The following PDE7B variants were observed in gnomAD, a reference collection of about 807,000 sequenced individuals.
PDE7B encodes the protein 3',5'-cyclic-AMP phosphodiesterase 7B.
In PDE7B, 29 loss-of-function variants were observed where a neutral mutation model predicts 56.2. The ratio of observed to expected loss-of-function variants is 0.52; its 90% CI spans 0.38 to 0.70. PDE7B has a LOEUF of 0.70. Ranked by LOEUF, PDE7B falls within the 30% of genes least tolerant of loss-of-function variation. The pLI is 0.00. For missense variants in PDE7B, 490 were observed against 565.0 expected, an observed-to-expected ratio of 0.87 and a Z score of 1.35; for synonymous variants, 197 against 196.9, an observed-to-expected ratio of 1.00 and a Z score of 0.00.
chr6:135,893,288 G>A (rs918863390), intron 1 of PDE7B, among the ~76,000 whole-genome samples: 8 of 138,078 alleles, frequency 5.8e-5, no homozygotes, highest in East Asian at 2.1e-4. Flanking sequence ...CTCATTGTTC[G>A]ATTCCCACCT....
chr6:135,995,858 A>G (rs1012890430), intron 2 of PDE7B, among the ~76,000 whole-genome samples: 3 of 152,160 alleles, frequency 2.0e-5, no homozygotes, highest in Admixed American at 6.5e-5. Context: ...GAGAATTAAC[A>G]TAAACATAAA....
At chr6:136,128,235 T>A (rs1001290246) in intron 3 of PDE7B, among the ~76,000 whole-genome samples, 9 of 152,124 alleles carry the variant, frequency 5.9e-5, no homozygotes, top group Admixed American at 1.3e-4. Context: ...TTTACCAGAG[T>A]GATGCTTTGA....
At chr6:136,054,311 A>G (rs1394376528) in intron 2 of PDE7B, among the ~76,000 whole-genome samples, 2 of 152,176 alleles carry the variant, frequency 1.3e-5, no homozygotes, top group Admixed American at 1.3e-4. Flanking sequence ...TTAAATAGGG[A>G]ATCGTTTCCC....
chr6:135,982,154 G>A (rs967381177), intron 2 of PDE7B, among the ~76,000 whole-genome samples: 5 of 152,060 alleles, frequency 3.3e-5, no homozygotes, highest in African/African-American at 1.2e-4. Context: ...ACCCATGTTT[G>A]TTAAGAACTC....
chr6:136,113,485 G>A (rs1777782466), intron 3 of PDE7B, among the ~76,000 whole-genome samples: 1 of 152,282 alleles, frequency 6.6e-6, no homozygotes, highest in East Asian at 1.9e-4. Context: ...TAAATAGCAG[G>A]AAACTGTGGC....
chr6:135,935,217 T>TATATATATATA (rs1554268029), intron 1 of PDE7B, among the ~76,000 whole-genome samples: 11 of 91,172 alleles, frequency 1.2e-4, no homozygotes, highest in African/African-American at 2.9e-4. Context: ...TATATATATA[T>TATATATATATA]TTTCATGATT....
intron 1 of PDE7B, among the ~76,000 whole-genome samples, chr6:135,881,063 C>A (rs1775600048): frequency 1.3e-5 from 2 of 152,046 alleles, no homozygotes; most frequent in South Asian, 4.2e-4. Flanking sequence ...ATACAGAGAC[C>A]CCATGGGGAG....
intron 5 of PDE7B, among the ~76,000 whole-genome samples, chr6:136,150,625 C>T (rs1320193483): frequency 6.6e-6 from 1 of 152,148 alleles, no homozygotes; most frequent in Non-Finnish European, 1.5e-5. Context: ...TTCTTGAATG[C>T]TTACAAGTCA....
chr6:135,928,784 A>G (rs117586339), intron 1 of PDE7B, among the ~76,000 whole-genome samples: 2,970 of 151,912 alleles, frequency 0.02, 31 homozygotes, highest in Middle Eastern at 0.041. Flanking sequence ...GATGGGAACA[A>G]TAATAAACAG....
chr6:136,171,923 T>C (rs1039004701), intron 8 of PDE7B, among the ~76,000 whole-genome samples: 1 of 151,826 alleles, frequency 6.6e-6, no homozygotes, highest in African/African-American at 2.4e-5. Flanking sequence ...TTACTGAGAA[T>C]GATGATTTCC....
At chr6:136,155,912 CA>C (rs1230413311) in intron 8 of PDE7B, 154 bp downstream of exon 8, 1 of 851,344 alleles carries the variant, frequency 1.2e-6, no homozygotes, top group South Asian at 1.4e-5. Context: ...AAAATTTGTT[CA>C]AACTCAGATG....
Position 136,065,740 on chromosome 6 carries a change from C to T in PDE7B, c.83-42991C>T, listed in dbSNP as rs186544005. On this transcript the variant is annotated intron_variant, in intron 2 of 12. Coordinates refer to ENST00000308191, the MANE Select transcript of PDE7B (RefSeq NM_018945.4). ...ATTCTATTACATGGTGATCATGTAACGTTTTCATCTAAATAGTTTAGTTTA... is the reference window on the plus strand; with the variant it reads ...ATTCTATTACATGGTGATCATGTAATGTTTTCATCTAAATAGTTTAGTTTA... 8.3e-4 allele frequency among the ~76,000 whole-genome samples: 127 copies of T among 152,170 alleles called. No homozygotes were observed. In the South Asian group the frequency reaches 0.01, roughly 12 times the overall value.
intron 1 of PDE7B, among the ~76,000 whole-genome samples, chr6:135,929,128 A>G (rs1327947278): frequency 6.6e-6 from 1 of 152,196 alleles, no homozygotes; most frequent in African/African-American, 2.4e-5. Flanking sequence ...TGTGGTAAAT[A>G]ACGGTGAAAG....
intron 1 of PDE7B, among the ~76,000 whole-genome samples, chr6:135,880,015 TAA>T (rs1171499757): frequency 3.9e-5 from 6 of 152,280 alleles, no homozygotes; most frequent in Admixed American, 3.9e-4. Context: ...CTTGATGTTT[TAA>T]ATGTTAATGT....
At chr6:135,858,360 C>T (rs1270123488) in intron 1 of PDE7B, among the ~76,000 whole-genome samples, 1 of 152,092 alleles carries the variant, frequency 6.6e-6, no homozygotes, top group Non-Finnish European at 1.5e-5. Flanking sequence ...ACCATGTTGG[C>T]CAGGCTCGTC....
At chr6:136,147,650 T>G in intron 4 of PDE7B, 148 bp downstream of exon 4, 1 of 589,764 alleles carries the variant, frequency 1.7e-6, no homozygotes, top group Admixed American at 3.0e-5. Flanking sequence ...CTTGTTCCTC[T>G]AATAGAAAAT....
intron 1 of PDE7B, among the ~76,000 whole-genome samples, chr6:135,895,131 A>T (rs75822205): frequency 2.8e-5 from 4 of 141,408 alleles, no homozygotes; most frequent in Admixed American, 2.1e-4. Context: ...GTGATGAAAT[A>T]AAAAAAAAAG....
At chr6:136,117,224 C>T (rs1415383634) in intron 3 of PDE7B, 1 of 152,154 alleles carries the variant, frequency 6.6e-6, no homozygotes, top group Admixed American at 6.5e-5. Flanking sequence ...GTTTTTTTTA[C>T]TGAAGTTACC....
chr6:135,947,321 T>C (rs1447078381), intron 1 of PDE7B, 143 bp from the exon 2 acceptor site: 1 of 673,206 alleles, frequency 1.5e-6, no homozygotes, highest in African/African-American at 1.8e-5. Flanking sequence ...AAGTCTCTGC[T>C]CATGACATAA....
Sources: allele counts gnomAD v4.1 joint callset (sites outside exome capture counted in the v4.1 genomes callset), GRCh38; gene constraint gnomAD v4.1.1; transcripts MANE v1.5; gene names NCBI Gene and HGNC (gene_info 2026-07-23, HGNC 2026-07-21).